COPB2: variants seen among roughly 807,000 people sequenced by gnomAD.
COPB2 encodes the protein coatomer subunit beta'.
A neutral mutation model predicts 120.8 loss-of-function variants in COPB2; 16 were observed. The observed-to-expected ratio is 0.13, with a 90% CI of 0.09 to 0.20. The LOEUF (loss-of-function observed/expected upper bound fraction) is 0.20, where lower values mean the gene tolerates loss of function less well. Among genes scored for constraint, COPB2 ranks in the 10% least tolerant of loss-of-function variants. COPB2 has a pLI of 1.00. For missense variants in COPB2, 794 were observed against 1,076.5 expected, an observed-to-expected ratio of 0.74 and a Z score of 3.67; for synonymous variants, 332 against 366.3, an observed-to-expected ratio of 0.91 and a Z score of 1.07.
chr3:139,359,725 T>A (rs934794268), intron 17 of COPB2, among the ~76,000 whole-genome samples: 1 of 152,118 alleles, frequency 6.6e-6, no homozygotes, highest in East Asian at 1.9e-4. Context: ...GTCTCCAACA[T>A]GGGAAGGGCC....
At chr3:139,383,273 T>TG (rs1244632583) in intron 2 of COPB2, 25 bp downstream of exon 2, 3 of 1,611,650 alleles carry the variant, frequency 1.9e-6, no homozygotes, top group Non-Finnish European at 2.5e-6. Context: ...ATTTTATTTC[T>TG]AATACAGTCC....
chr3:139,370,875 A>G (rs1056750833), intron 10 of COPB2, among the ~76,000 whole-genome samples: 2 of 152,258 alleles, frequency 1.3e-5, no homozygotes, highest in African/African-American at 4.8e-5. Context: ...CTGTATGTAT[A>G]TGTGTATTTA....
intron 16 of COPB2, 133 bp from the exon 17 acceptor site, chr3:139,361,428 G>A (rs1941417827): frequency 1.3e-6 from 1 of 778,232 alleles, no homozygotes; most frequent in African/African-American, 1.7e-5. Context: ...ATCAAAATAA[G>A]AATGGCATTG....
At chr3:139,379,806 C>T in intron 2 of COPB2, 1 of 246,688 alleles carries the variant, frequency 4.1e-6, no homozygotes, top group Non-Finnish European at 7.9e-6. Context: ...GAAAATCCAC[C>T]CATGGAAACT....
chr3:139,363,429 C>A (rs1035631242), intron 15 of COPB2, among the ~76,000 whole-genome samples: 2 of 152,132 alleles, frequency 1.3e-5, no homozygotes, highest in Non-Finnish European at 2.9e-5. Context: ...TAATGCCTGA[C>A]GATCTGAGGT....
rs779867597 is a variant in COPB2 at position 139,383,204 on chromosome 3, G to C, written c.141+94C>G. 15 of 1,416,624 alleles carry C rather than the reference G, an allele frequency of 1.1e-5. No homozygotes were observed. In the African/African-American group the frequency reaches 2.0e-4, roughly 19 times the overall value. The allele number at this position is 1,416,624 out of a possible 1,614,324, so 87.8% of individuals were successfully genotyped here. Reference sequence around the variant, plus strand: ...AACTTGAGAAAGCAGTTTGCATATAGATTCTGGATTCTGTTATAATATTTC... The same window carrying C: ...AACTTGAGAAAGCAGTTTGCATATACATTCTGGATTCTGTTATAATATTTC... On this transcript the variant is annotated intron_variant, in intron 2 of 21. Coordinates refer to ENST00000333188, the MANE Select transcript of COPB2 (RefSeq NM_004766.3).
chr3:139,372,162 A>G (rs111309646), intron 9 of COPB2, among the ~76,000 whole-genome samples: 1 of 152,246 alleles, frequency 6.6e-6, no homozygotes, highest in African/African-American at 2.4e-5. Flanking sequence ...TTATTCAACC[A>G]GTATTTGTTG....
chr3:139,378,202 A>G lies in COPB2; in HGVS notation c.356-13T>C, dbSNP rs200873587. 6.5e-6 allele frequency: 10 copies of G among 1,529,578 alleles called. No homozygotes were observed. The African/African-American group carries it at 9.4e-5, about 14-fold the overall frequency. The allele number at this position is 1,529,578 out of a possible 1,614,324, so 94.8% of individuals were successfully genotyped here. A position where few individuals can be genotyped will look rare whatever the true frequency, so the allele number is the denominator to read the frequency against. On this transcript the variant is annotated splice_polypyrimidine_tract_variant and intron_variant, in intron 4 of 21. Transcript: ENST00000333188. ...ATAAGCATGTCATCTAGGCCAAAAG[A>G]AAGTCTCAAGTTAGTTGTAATTCTA...
chr3:139,377,618 A>G (rs1309931752), intron 5 of COPB2, among the ~76,000 whole-genome samples: 1 of 152,234 alleles, frequency 6.6e-6, no homozygotes, highest in Non-Finnish European at 1.5e-5. Context: ...TTTCAGAAAG[A>G]TAACAGACAG....
intron 2 of COPB2, chr3:139,380,711 CTG>C (rs1941794830): frequency 6.6e-6 from 1 of 152,196 alleles, no homozygotes; most frequent in Non-Finnish European, 1.5e-5. Flanking sequence ...CTGTCCTACT[CTG>C]ACTTTTCAAG....
In COPB2 at chr3:139,357,807, T is replaced by A. The variant is rs910382954; in HGVS notation, c.*56A>T. 50 of 940,588 alleles carry A rather than the reference T, an allele frequency of 5.3e-5. No homozygotes were observed. The East Asian group carries it at 1.3e-3, about 24-fold the overall frequency. 58.3% of individuals were successfully genotyped at this position (940,588 alleles called of 1,614,324 possible). ...CAAAGCACTGTGGTCAGGGTAGCAA[T>A]CAATACCTATATATAATAATGATCT... On this transcript the variant is annotated 3_prime_UTR_variant, in exon 22 of 22. Coordinates refer to ENST00000333188, the MANE Select transcript of COPB2 (RefSeq NM_004766.3).
chr3:139,380,003 C>CTTTTTTTTTTTTTTTTTTTTTTTT (rs869062825), intron 2 of COPB2: 5 of 101,354 alleles, frequency 4.9e-5, no homozygotes, highest in African/African-American at 8.3e-5. Context: ...TTTTTCTTTT[C>CTTTTTTTTTTTTTTTTTTTTTTTT]TTTTTTTTTT....
intron 2 of COPB2, chr3:139,381,825 ATCAGAGAGAGAG>A (rs1451978290): frequency 5.3e-5 from 8 of 152,180 alleles, no homozygotes; most frequent in Admixed American, 1.3e-4. Context: ...CCTAGGAATA[ATCAGAGAGAGAG>A]GACACCAACG....
At chr3:139,369,396 T>C (rs768104690) in intron 11 of COPB2, 29 bp from the exon 12 acceptor site, 2 of 1,607,570 alleles carry the variant, frequency 1.2e-6, no homozygotes, top group East Asian at 4.5e-5. Flanking sequence ...GAGTTTTGCT[T>C]AGGCATTTTT....
In COPB2 at chr3:139,368,266, T is replaced by C. The variant is rs1347322165; in HGVS notation, c.1424A>G (p.Glu475Gly). 6.2e-7 allele frequency: 1 copy of C among 1,608,464 alleles called. No individual in the cohort carries two copies. The highest frequency in any genetic ancestry group is 2.2e-5 in the East Asian group (1 of 44,804). ...TTCCTCAGTAGCAATACAGACTAGC[T>C]CTCCAGAGTCAGACCAGAAAATCTG... is the stretch of plus-strand genomic sequence containing the variant. ...PKHIFWSDSGELVCIATEESF... is the reference protein window; with the variant it reads ...PKHIFWSDSGGLVCIATEESF... The change falls in exon 13 of 22, where the codon GAG becomes GGG. Residue 475 changes from glutamate to glycine, a missense_variant. By Grantham distance (98) the Glu-to-Gly change is moderately conservative. This residue lies in a region of COPB2 where 610 missense variants were observed against 866.7 expected (regional missense o/e 0.70). Coordinates refer to ENST00000333188, the MANE Select transcript of COPB2 (RefSeq NM_004766.3).
At position 139,379,034 on chromosome 3, in the gene COPB2, G is replaced by A; in HGVS notation, c.355+13C>T. 6.4e-7 allele frequency: 1 copy of A among 1,567,770 alleles called. No homozygotes were observed. Among genetic ancestry groups the A allele is most frequent in the Non-Finnish European group, 8.6e-7 (1 of 1,162,776 alleles). On this transcript the variant is annotated intron_variant, in intron 4 of 21. Transcript: ENST00000333188. ...CAAAGAGACGCACATGACCAAAAAA[G>A]GTCATCTCTTACCACTGCTAGTTAG...
chr3:139,362,515 G>T lies in COPB2; in HGVS notation c.1887C>A (p.Gly629=). The T allele has an allele frequency of 6.3e-7, 1 of 1,590,424 alleles. No homozygotes were observed. ...TRVAHFLEKQ[G]FKQQALTVST... ...ATACTGTAAGAGCTTGCTGCTTGAA[G>T]CCCTAAACAGATTTTTAAAAATTAT... is the stretch of plus-strand genomic sequence containing the variant. Residue 629 remains glycine, a splice_region_variant and synonymous_variant, in exon 16 of 22, where the codon GGC becomes GGA. Transcript: ENST00000333188.
At chr3:139,361,378 C>T in intron 16 of COPB2, 83 bp from the exon 17 acceptor site, 2 of 1,344,272 alleles carry the variant, frequency 1.5e-6, no homozygotes, top group Non-Finnish European at 2.0e-6. Flanking sequence ...ACTGTGCAGA[C>T]AATGTTTATA....
chr3:139,373,229 G>A lies in COPB2; in HGVS notation c.1078C>T (p.His360Tyr). Residue 360 changes from histidine (H) to tyrosine (Y), a missense_variant, in exon 9 of 22, where the codon CAC becomes TAC. Around this residue, in one of 3 missense-constraint regions of COPB2, gnomAD observed 610 missense variants for 866.7 expected, o/e 0.70. Coordinates refer to ENST00000333188, the MANE Select transcript of COPB2 (RefSeq NM_004766.3). ...ATGGCTTACCGCCCATTAGGATTGT[G>A]CTGAATAGTCTGAGGGTATATTTCA... Reference protein sequence around the residue: ...SCEIYPQTIQHNPNGRFVVVC... With the variant: ...SCEIYPQTIQYNPNGRFVVVC... The A allele has an allele frequency of 6.2e-7, 1 of 1,613,992 alleles. No homozygotes were observed. The highest frequency in any genetic ancestry group is 8.5e-7 in the Non-Finnish European group (1 of 1,179,902).
Sources: allele counts gnomAD v4.1 joint callset (sites outside exome capture counted in the v4.1 genomes callset), GRCh38; gene constraint gnomAD v4.1.1; regional missense constraint gnomAD v4.1.1; transcripts MANE v1.5; gene names NCBI Gene and HGNC (gene_info 2026-07-23, HGNC 2026-07-21).